Variants in FGFR1 observed in about 807,000 individuals in gnomAD.
The protein encoded by FGFR1 is FGFR1/PLAG1 fusion.
FGFR1 carries 18 observed loss-of-function variants against 93.7 expected under a neutral mutation model. The ratio of observed to expected loss-of-function variants is 0.19; its 90% CI spans 0.13 to 0.28. FGFR1 has a LOEUF of 0.28. Ranked by LOEUF, FGFR1 falls within the 10% of genes least tolerant of loss-of-function variation. The pLI is 1.00. For synonymous variants in FGFR1, 448 were observed against 429.3 expected, an observed-to-expected ratio of 1.04 and a Z score of -0.54; for missense variants, 731 against 1,080.4, an observed-to-expected ratio of 0.68 and a Z score of 4.53.
chr8:38,462,748 C>T (rs2151442997), intron 1 of FGFR1, among the ~76,000 whole-genome samples: 1 of 151,886 alleles, frequency 6.6e-6, no homozygotes, highest in African/African-American at 2.4e-5. Context: ...GGATTACAGA[C>T]ATGAGCCACC....
chr8:38,453,722 T>A (rs1394675211), intron 2 of FGFR1, among the ~76,000 whole-genome samples: 1 of 152,094 alleles, frequency 6.6e-6, no homozygotes, highest in East Asian at 1.9e-4. Context: ...GTGAAACCCA[T>A]CTCTACTAAA....
At chr8:38,458,364 A>C (rs1833468286) in intron 1 of FGFR1, among the ~76,000 whole-genome samples, 1 of 152,090 alleles carries the variant, frequency 6.6e-6, no homozygotes, top group African/African-American at 2.4e-5. Flanking sequence ...AATATGGTGA[A>C]ATCCCATCTC....
At chr8:38,446,252 C>G (rs1829245440) in intron 2 of FGFR1, among the ~76,000 whole-genome samples, 1 of 149,240 alleles carries the variant, frequency 6.7e-6, no homozygotes, top group Non-Finnish European at 1.5e-5. Context: ...TGCTATGTAG[C>G]CAGGCTGCAG....
intron 1 of FGFR1, chr8:38,467,549 CAACACACACACAT>C (rs1835818319): frequency 4.3e-6 from 1 of 234,306 alleles, no homozygotes; most frequent in Non-Finnish European, 8.4e-6. Flanking sequence ...GAGTGGAATG[CAACACACACACAT>C]AACACACACA....
At position 38,429,619 on chromosome 8, in the gene FGFR1, C is replaced by T; in HGVS notation, c.358+63G>A. 1.3e-6 allele frequency: 2 copies of T among 1,518,532 alleles called. No homozygotes were observed. The highest frequency in any genetic ancestry group is 1.8e-6 in the Non-Finnish European group (2 of 1,121,882). The allele number at this position is 1,518,532 out of a possible 1,614,324, so 94.1% of individuals were successfully genotyped here. On this transcript the variant is annotated intron_variant, in intron 3 of 17. Coordinates refer to ENST00000447712, the MANE Select transcript of FGFR1 (RefSeq NM_023110.3). This position sits in a 1 kb window ranked among gnomAD's most constrained non-coding sequence, Gnocchi z 4.4. Reference sequence around the variant, plus strand: ...GGAGGAGGTTCACCTTCCTCTGAAACTGGCAGAGAGGGCTGGAGGGGGTGG... The same window carrying T: ...GGAGGAGGTTCACCTTCCTCTGAAATTGGCAGAGAGGGCTGGAGGGGGTGG...
At chr8:38,434,697 G>C (rs572159617) in intron 2 of FGFR1, 1 of 167,924 alleles carries the variant, frequency 6.0e-6, no homozygotes, top group African/African-American at 2.4e-5. Flanking sequence ...TTTGGTGAAT[G>C]GTCACCTCCA....
chr8:38,457,598 C>A (rs2151356810), intron 1 of FGFR1, 64 bp from the exon 2 acceptor site: 10 of 1,502,268 alleles, frequency 6.7e-6, no homozygotes, highest in Non-Finnish European at 9.0e-6. Flanking sequence ...AAAGGAAAAA[C>A]AGAAGGTAAA....
intron 15 of FGFR1, 26 bp downstream of exon 15, chr8:38,414,533 C>T (rs757924607): frequency 3.1e-6 from 5 of 1,613,176 alleles, no homozygotes; most frequent in African/African-American, 1.3e-5. Context: ...CCCACACCTC[C>T]CTGGCAATTG....
intron 6 of FGFR1, among the ~76,000 whole-genome samples, chr8:38,425,786 G>A (rs913930117): frequency 1.3e-5 from 2 of 152,198 alleles, no homozygotes; most frequent in Non-Finnish European, 2.9e-5. Context: ...AGGTATTTAA[G>A]GAGCCTGGCA....
At chr8:38,441,833 G>C (rs1827593880) in intron 2 of FGFR1, among the ~76,000 whole-genome samples, 1 of 152,074 alleles carries the variant, frequency 6.6e-6, no homozygotes, top group African/African-American at 2.4e-5. Context: ...CACAGTTTAG[G>C]GTCAATTAAC....
chr8:38,422,403 C>T (rs921254493), intron 7 of FGFR1: 1 of 365,590 alleles, frequency 2.7e-6, no homozygotes, highest in Admixed American at 4.3e-5. Context: ...GAATGCCTAA[C>T]CCCTTCTCTC....
intron 2 of FGFR1, among the ~76,000 whole-genome samples, chr8:38,437,766 T>C (rs1159747743): frequency 6.6e-6 from 1 of 152,076 alleles, no homozygotes; most frequent in Admixed American, 6.5e-5. Flanking sequence ...ACCAAAGATA[T>C]CCCAGGGAAC....
rs575439131 is a variant in FGFR1 at position 38,466,564 on chromosome 8, G to A, written c.-89+1417C>T. The A allele has an allele frequency of 7.8e-5, 18 of 230,864 alleles. No individual in the cohort carries two copies. In the Admixed American group the frequency reaches 1.0e-3, roughly 13 times the overall value. 14.3% of individuals were successfully genotyped at this position (230,864 alleles called of 1,614,324 possible). On this transcript the variant is annotated intron_variant, in intron 1 of 17. Coordinates refer to ENST00000447712, the MANE Select transcript of FGFR1 (RefSeq NM_023110.3). ...CACCAGCGGCGGCGAATAACTTGGT[G>A]AGATCTTAAATAACTCGGGATCCAA...
chr8:38,416,826 C>T (rs1029818425), intron 12 of FGFR1, among the ~76,000 whole-genome samples: 9 of 152,120 alleles, frequency 5.9e-5, no homozygotes, highest in Non-Finnish European at 8.8e-5. Flanking sequence ...GATCTTGGCT[C>T]ACTGCAACCT....
At chr8:38,453,722 T>G (rs1394675211) in intron 2 of FGFR1, among the ~76,000 whole-genome samples, 1 of 152,094 alleles carries the variant, frequency 6.6e-6, no homozygotes, top group East Asian at 1.9e-4. Flanking sequence ...GTGAAACCCA[T>G]CTCTACTAAA....
chr8:38,417,396 A>C lies in FGFR1; in HGVS notation c.1573T>G (p.Leu525Val). The change falls in exon 12 of 18, where the codon TTG becomes GTG. Residue 525 changes from leucine (L) to valine (V), a missense_variant. By Grantham distance (32) the Leu-to-Val change is conservative. This residue lies in a region of FGFR1 where 62 missense variants were observed against 99.5 expected (regional missense o/e 0.62). Transcript: ENST00000447712. Reference protein sequence around the residue: ...MLKSDATEKDLSDLISEMEMM... With the variant: ...MLKSDATEKDVSDLISEMEMM... ...TCCATTTCTGAGATCAGGTCTGACAAGTCTTTCTCTGTTGCGTCCGCTTTA... is the reference window on the plus strand; with the variant it reads ...TCCATTTCTGAGATCAGGTCTGACACGTCTTTCTCTGTTGCGTCCGCTTTA... 6.2e-7 allele frequency: 1 copy of C among 1,614,018 alleles called. No homozygotes were observed.
At chr8:38,458,628 C>A (rs1833556764) in intron 1 of FGFR1, among the ~76,000 whole-genome samples, 1 of 152,156 alleles carries the variant, frequency 6.6e-6, no homozygotes, top group Non-Finnish European at 1.5e-5. Flanking sequence ...AATGAAGAAT[C>A]ACGGAACAAG....
intron 4 of FGFR1, 29 bp downstream of exon 4, chr8:38,428,317 G>C (rs751218740): frequency 1.2e-6 from 2 of 1,607,116 alleles, no homozygotes; most frequent in Non-Finnish European, 1.7e-6. Flanking sequence ...CAGACCCAAA[G>C]GGCAGTAAGA....
rs1489434710 is a variant in FGFR1 at position 38,433,779 on chromosome 8, C to G, written c.92-3831G>C. Among the ~76,000 whole-genome samples the G allele has an allele frequency of 2.6e-5, 4 of 152,318 alleles. No individual in the cohort carries two copies. In the East Asian group the frequency reaches 7.7e-4, roughly 29 times the overall value. On this transcript the variant is annotated intron_variant, in intron 2 of 17. Coordinates refer to ENST00000447712, the MANE Select transcript of FGFR1 (RefSeq NM_023110.3). ...GTTTCTATTTTATTTAAACAGCAGA[C>G]AGGTAATTCACATGCTGTAATATTC...
Sources: allele counts gnomAD v4.1 joint callset (sites outside exome capture counted in the v4.1 genomes callset), GRCh38; gene constraint gnomAD v4.1.1; regional missense constraint gnomAD v4.1.1; non-coding constraint Gnocchi (gnomAD v3.1); transcripts MANE v1.5; gene names NCBI Gene and HGNC (gene_info 2026-07-23, HGNC 2026-07-21).